Variants in KCNK10 observed in about 807,000 individuals in gnomAD.
KCNK10 encodes the protein potassium channel subfamily K member 10.
A neutral mutation model predicts 47.7 loss-of-function variants in KCNK10; 25 were observed. The observed-to-expected ratio is 0.52, with a 90% CI of 0.38 to 0.73. The LOEUF is 0.73. KCNK10 is among the 30% of genes least tolerant of loss of function. The pLI, the probability that KCNK10 is intolerant of heterozygous loss-of-function variation, is 0.00. For synonymous variants in KCNK10, 303 were observed against 285.6 expected (o/e 1.06, Z -0.61); for missense variants, 563 against 714.5 (o/e 0.79, Z 2.42).
intron 2 of KCNK10, among the ~76,000 whole-genome samples, chr14:88,254,993 T>C (rs1886906311): frequency 6.6e-6 from 1 of 152,136 alleles, no homozygotes; most frequent in African/African-American, 2.4e-5. Context: ...ATCCCTTTAA[T>C]ATGAGGAGGG....
Position 88,240,822 on chromosome 14 carries a change from T to C in KCNK10, c.403-2A>G. ...CGCATTGTCAGCATCAAGAGCATGCTGCAAAGAAAGGGAAAAAGCATAAGA... is the reference window on the plus strand; with the variant it reads ...CGCATTGTCAGCATCAAGAGCATGCCGCAAAGAAAGGGAAAAAGCATAAGA... On this transcript the variant is annotated splice_acceptor_variant, in intron 2 of 6. Transcript: ENST00000319231. LOFTEE classifies it high-confidence loss of function. 1 of 1,585,742 alleles carries C rather than the reference T, an allele frequency of 6.3e-7. No homozygotes were observed. Among genetic ancestry groups the C allele is most frequent in the Non-Finnish European group, 8.7e-7 (1 of 1,155,038 alleles).
intron 1 of KCNK10, among the ~76,000 whole-genome samples, chr14:88,270,285 C>G (rs1487347596): frequency 6.6e-6 from 1 of 152,266 alleles, no homozygotes; most frequent in East Asian, 1.9e-4. Context: ...GCGCAGGATT[C>G]CACCTCGGGT....
At chr14:88,278,220 A>G (rs921841230) in intron 1 of KCNK10, among the ~76,000 whole-genome samples, 8 of 152,200 alleles carry the variant, frequency 5.3e-5, no homozygotes, top group African/African-American at 1.9e-4. Flanking sequence ...CATGGATCAT[A>G]TAGAAGTCTG....
At chr14:88,305,223 G>A (rs769549354) in intron 1 of KCNK10, among the ~76,000 whole-genome samples, 3 of 151,742 alleles carry the variant, frequency 2.0e-5, no homozygotes, top group Non-Finnish European at 4.4e-5. Context: ...AGAAGAAGAA[G>A]AAGAAAATGT....
In KCNK10 at chr14:88,200,938, CTG is replaced by C. The variant is rs1476843593; in HGVS notation, c.682-8530_682-8529del. On this transcript the variant is annotated intron_variant, in intron 4 of 6. Transcript: ENST00000319231. ...AGAGTGTAAAAGGGACCTCATGACA[CTG>C]TGGAACTGTTTGCCTACCACAGTCT... Among the ~76,000 whole-genome samples, 4 of 152,336 alleles carry C rather than the reference CTG, an allele frequency of 2.6e-5. No homozygotes were observed. In the East Asian group the frequency reaches 7.7e-4, roughly 29 times the overall value.
Position 88,192,269 on chromosome 14 carries a change from C to A in KCNK10, c.823G>T (p.Val275Leu). ...CCCACCGTGGTCAGAGTGACCACCA[C>A]AAAGTAAATGGACTCCAAGGCCGTC... is the stretch of plus-strand genomic sequence containing the variant. Reference protein sequence around the residue: ...GWTALESIYFVVVTLTTVGFG... With the variant: ...GWTALESIYFLVVTLTTVGFG... Residue 275 changes from valine (V) to leucine (L), a missense_variant, in exon 5 of 7, where the codon GTG (valine) becomes TTG (leucine). Transcript: ENST00000319231. 6.2e-7 allele frequency: 1 copy of A among 1,613,916 alleles called. No homozygotes were observed. The highest frequency in any genetic ancestry group is 1.1e-5 in the South Asian group (1 of 91,040).
intron 1 of KCNK10, among the ~76,000 whole-genome samples, chr14:88,319,233 C>T (rs1595136360): frequency 6.6e-6 from 1 of 152,190 alleles, no homozygotes; most frequent in Non-Finnish European, 1.5e-5. Flanking sequence ...CACCCAAATG[C>T]TATCCAAACC....
At chr14:88,259,502 G>T (rs1887050542) in intron 2 of KCNK10, among the ~76,000 whole-genome samples, 1 of 152,152 alleles carries the variant, frequency 6.6e-6, no homozygotes, top group Admixed American at 6.5e-5. Flanking sequence ...TGTTTCCCAG[G>T]CTGGAGTACT....
chr14:88,326,067 T>C (rs1002349863), upstream of KCNK10, among the ~76,000 whole-genome samples: 2 of 151,748 alleles, frequency 1.3e-5, no homozygotes, highest in African/African-American at 4.9e-5. Context: ...ATCTCTCTGC[T>C]TAATCACTGG....
intron 1 of KCNK10, among the ~76,000 whole-genome samples, chr14:88,266,706 G>T (rs1441414669): frequency 6.6e-6 from 1 of 152,168 alleles, no homozygotes; most frequent in Non-Finnish European, 1.5e-5. Flanking sequence ...TGGGGATAAG[G>T]CACAGTCCCT....
intron 1 of KCNK10, among the ~76,000 whole-genome samples, chr14:88,266,142 C>T (rs1012109099): frequency 9.9e-5 from 15 of 152,172 alleles, no homozygotes; most frequent in Admixed American, 9.2e-4. Context: ...TGCACAGTAC[C>T]TGGCACATGG....
chr14:88,258,766 C>T (rs538775567), intron 2 of KCNK10, among the ~76,000 whole-genome samples: 1 of 152,160 alleles, frequency 6.6e-6, no homozygotes, highest in South Asian at 2.1e-4. Context: ...GATAGTGGCC[C>T]ATTACTCTCC....
chr14:88,185,765 T>C lies in KCNK10; in HGVS notation c.1402A>G (p.Lys468Glu). ...LTKRKNKDLKKTLPEDVQKIY... is the reference protein window; with the variant it reads ...LTKRKNKDLKETLPEDVQKIY... Reference sequence around the variant, plus strand: ...TTCTGAACGTCCTCGGGCAAGGTCTTTTTGAGGTCCTTGTTTTTCCTCTTG... The same window carrying C: ...TTCTGAACGTCCTCGGGCAAGGTCTCTTTGAGGTCCTTGTTTTTCCTCTTG... The change falls in exon 7 of 7, where the codon AAG (lysine) becomes GAG (glutamate). Residue 468 changes from lysine (K) to glutamate (E), a missense_variant. Lys to Glu is a moderately conservative substitution (Grantham distance 56). Transcript: ENST00000319231. This position sits in a 1 kb window ranked among gnomAD's most constrained non-coding sequence, Gnocchi z 4.3. 6.2e-7 allele frequency: 1 copy of C among 1,614,164 alleles called. No individual in the cohort carries two copies. The highest frequency in any genetic ancestry group is 8.5e-7 in the Non-Finnish European group (1 of 1,180,020).
At chr14:88,249,768 T>G (rs1172682363) in intron 2 of KCNK10, among the ~76,000 whole-genome samples, 1 of 152,224 alleles carries the variant, frequency 6.6e-6, no homozygotes, top group Non-Finnish European at 1.5e-5. Flanking sequence ...GAGCAGTTCC[T>G]GTCCACAGTA....
chr14:88,261,086 C>T (rs1401543101), intron 2 of KCNK10, among the ~76,000 whole-genome samples: 1 of 152,206 alleles, frequency 6.6e-6, no homozygotes. Context: ...CTACAATTTG[C>T]TTTGATATCT....
rs2139816224 is a variant in KCNK10 at position 88,183,393 on chromosome 14, AAC to A, written c.*2140_*2141del. On this transcript the variant is annotated 3_prime_UTR_variant, in exon 7 of 7. Transcript: ENST00000319231. Reference sequence around the variant, plus strand: ...CACTGCTACAAAGAACGTACCAGATAACACAGAGTGGAAACCAAATAAGTGAG... The same window carrying A: ...CACTGCTACAAAGAACGTACCAGATAACAGAGTGGAAACCAAATAAGTGAG... 1 of 152,532 alleles carries A rather than the reference AAC, an allele frequency of 6.6e-6. No homozygotes were observed. Among genetic ancestry groups the A allele is most frequent in the African/African-American group, 2.4e-5 (1 of 41,602 alleles). The allele number at this position is 152,532 out of a possible 1,614,324, so 9.4% of individuals were successfully genotyped here. A position where few individuals can be genotyped will look rare whatever the true frequency, so the allele number is the denominator to read the frequency against.
chr14:88,317,211 A>C (rs1888446288), intron 1 of KCNK10, among the ~76,000 whole-genome samples: 1 of 152,166 alleles, frequency 6.6e-6, no homozygotes, highest in South Asian at 2.1e-4. Context: ...TGAAAATTGG[A>C]TATTAAATCA....
intron 1 of KCNK10, among the ~76,000 whole-genome samples, chr14:88,292,629 G>GT (rs1370038504): frequency 6.6e-6 from 1 of 151,908 alleles, no homozygotes; most frequent in Non-Finnish European, 1.5e-5. Flanking sequence ...GGGATTACAG[G>GT]TTTTCTTGTT....
intron 1 of KCNK10, among the ~76,000 whole-genome samples, chr14:88,263,940 G>T (rs1887188651): frequency 6.6e-6 from 1 of 152,192 alleles, no homozygotes; most frequent in African/African-American, 2.4e-5. Flanking sequence ...GTTGAACTTG[G>T]AGAGGAAGTA....
Sources: allele counts gnomAD v4.1 joint callset (sites outside exome capture counted in the v4.1 genomes callset), GRCh38; gene constraint gnomAD v4.1.1; non-coding constraint Gnocchi (gnomAD v3.1); transcripts MANE v1.5; gene names NCBI Gene and HGNC (gene_info 2026-07-23, HGNC 2026-07-21).